Variants in CFTR observed in about 807,000 individuals in gnomAD.
The protein encoded by CFTR is CF transmembrane conductance regulator.
A neutral mutation model predicts 171.6 loss-of-function variants in CFTR; 181 were observed. The ratio of observed to expected loss-of-function variants is 1.05; its 90% CI spans 0.93 to 1.19. The LOEUF is 1.19. Ranked by LOEUF, CFTR falls within the 50% of genes most tolerant of loss-of-function variation. The probability of loss-of-function intolerance (pLI) is 0.00; values close to 1 mark genes in which losing one functional copy is unlikely to be tolerated. For missense variants in CFTR, 1,968 were observed against 1,734.7 expected (o/e 1.13, Z -2.39); for synonymous variants, 583 against 608.0 (o/e 0.96, Z 0.60).
chr7:117,560,542 T>A (rs923550560), intron 11 of CFTR, among the ~76,000 whole-genome samples: 3 of 151,982 alleles, frequency 2.0e-5, no homozygotes, highest in African/African-American at 7.2e-5. Flanking sequence ...TCCAAAAAAA[T>A]GGAAAAGGGC....
chr7:117,483,535 A>G (rs1336134473), intron 1 of CFTR, among the ~76,000 whole-genome samples: 1 of 152,114 alleles, frequency 6.6e-6, no homozygotes, highest in Non-Finnish European at 1.5e-5. Context: ...AAAAAAATGC[A>G]TTGCAAACTT....
At chr7:117,586,460 G>A (rs144910772) in intron 11 of CFTR, 17 of 152,172 alleles carry the variant, frequency 1.1e-4, no homozygotes, top group Middle Eastern at 3.4e-3. Flanking sequence ...GTTCCTTGAG[G>A]GCAGCAGCTA....
Position 117,591,963 on chromosome 7 carries a change from C to G in CFTR, c.1796C>G (p.Thr599Ser), listed in dbSNP as rs754945422. 1.3e-6 allele frequency: 2 copies of G among 1,592,392 alleles called. No individual in the cohort carries two copies. The highest frequency in any genetic ancestry group is 4.5e-5 in the East Asian group (2 of 44,770). The change falls in exon 14 of 27, where the codon ACT becomes AGT. Residue 599 changes from threonine to serine, a missense_variant. Physicochemically the swap from Thr to Ser is moderately conservative, Grantham distance 58. Coordinates refer to ENST00000003084, the MANE Select transcript of CFTR (RefSeq NM_000492.4). ...GTCTGTAAACTGATGGCTAACAAAACTAGGATTTTGGTCACTTCTAAAATG... is the reference window on the plus strand; with the variant it reads ...GTCTGTAAACTGATGGCTAACAAAAGTAGGATTTTGGTCACTTCTAAAATG... The part of the protein sequence containing the change: ...SCVCKLMANK[T>S]RILVTSKMEH...
intron 11 of CFTR, among the ~76,000 whole-genome samples, chr7:117,567,634 G>T (rs896978168): frequency 6.6e-6 from 1 of 152,232 alleles, no homozygotes; most frequent in Non-Finnish European, 1.5e-5. Context: ...GATGTTGCCT[G>T]CAAGTATAAC....
chr7:117,502,866 T>C (rs928201395), intron 1 of CFTR, among the ~76,000 whole-genome samples: 9 of 152,230 alleles, frequency 5.9e-5, no homozygotes, highest in African/African-American at 2.2e-4. Context: ...CCATACTCAC[T>C]TATTAATATC....
At chr7:117,638,282 C>T (rs1792857734) in intron 22 of CFTR, among the ~76,000 whole-genome samples, 1 of 152,130 alleles carries the variant, frequency 6.6e-6, no homozygotes, top group South Asian at 2.1e-4. Flanking sequence ...ACGATGAAGC[C>T]AACCACTTTC....
chr7:117,639,111 G>A (rs757670284), intron 22 of CFTR, among the ~76,000 whole-genome samples: 1 of 152,132 alleles, frequency 6.6e-6, no homozygotes, highest in Non-Finnish European at 1.5e-5. Context: ...TAAATATTCT[G>A]TGCAGAAAAA....
intron 21 of CFTR, among the ~76,000 whole-genome samples, chr7:117,616,679 A>G (rs1562916608): frequency 2.0e-5 from 3 of 152,066 alleles, no homozygotes; most frequent in Admixed American, 2.0e-4. Flanking sequence ...CTGTGCTTTG[A>G]TATCGTGCCT....
chr7:117,490,854 G>C (rs1798149670), intron 1 of CFTR, among the ~76,000 whole-genome samples: 1 of 152,022 alleles, frequency 6.6e-6, no homozygotes, highest in African/African-American at 2.4e-5. Flanking sequence ...TAGACCCAGT[G>C]CTTTCTCTGA....
rs1427409167 is a variant in CFTR at position 117,586,672 on chromosome 7, AAAG to A, written c.1585-1060_1585-1058del. On this transcript the variant is annotated intron_variant, in intron 11 of 26. Transcript: ENST00000003084. ...AATATTGGATTATTTCTGGATTGTGAAAGAAGAAGGAAGAAGCATATGGAAGAG... is the reference window on the plus strand; with the variant it reads ...AATATTGGATTATTTCTGGATTGTGAAAGAAGGAAGAAGCATATGGAAGAG... Among the ~76,000 whole-genome samples, 6 of 152,268 alleles carry A rather than the reference AAAG, an allele frequency of 3.9e-5. No individual in the cohort carries two copies. The East Asian group carries it at 9.6e-4, about 24-fold the overall frequency.
At chr7:117,488,811 T>C (rs1798113372) in intron 1 of CFTR, among the ~76,000 whole-genome samples, 1 of 152,094 alleles carries the variant, frequency 6.6e-6, no homozygotes. Flanking sequence ...TCCTACATGG[T>C]TGTGTTTTTC....
rs1800085 is a variant in CFTR at position 117,540,194 on chromosome 7, G to A, written c.964G>A (p.Val322Met). Reference protein sequence around the residue: ...FSGFFVVFLSVLPYALIKGII... With the variant: ...FSGFFVVFLSMLPYALIKGII... ...AGGGTTCTTTGTGGTGTTTTTATCTGTGCTTCCCTATGCACTAATCAAAGG... is the reference window on the plus strand; with the variant it reads ...AGGGTTCTTTGTGGTGTTTTTATCTATGCTTCCCTATGCACTAATCAAAGG... Residue 322 changes from valine (V) to methionine (M), a missense_variant, in exon 8 of 27, where the codon GTG becomes ATG. Transcript: ENST00000003084. 5.8e-5 allele frequency: 93 copies of A among 1,613,894 alleles called. No individual in the cohort carries two copies. The highest frequency in any genetic ancestry group is 7.5e-5 in the Non-Finnish European group (88 of 1,179,974).
At chr7:117,603,435 G>A (rs1051907406) in intron 16 of CFTR, 97 bp from the exon 17 acceptor site, 2 of 1,373,390 alleles carry the variant, frequency 1.5e-6, no homozygotes, top group African/African-American at 2.9e-5. Flanking sequence ...GCAAAATATT[G>A]TATTTATTTA....
chr7:117,504,152 G>A, intron 1 of CFTR, 101 bp from the exon 2 acceptor site: 1 of 741,448 alleles, frequency 1.3e-6, no homozygotes, highest in East Asian at 2.6e-5. Context: ...ATTTACATGT[G>A]CATAATTTTC....
intron 12 of CFTR, among the ~76,000 whole-genome samples, chr7:117,589,402 A>G (rs1175175351): frequency 1.3e-5 from 2 of 151,990 alleles, no homozygotes; most frequent in Non-Finnish European, 1.5e-5. Flanking sequence ...GCTGAATACA[A>G]TTTTCTTTAT....
intron 3 of CFTR, among the ~76,000 whole-genome samples, chr7:117,523,553 A>G (rs1431498151): frequency 6.6e-6 from 1 of 151,776 alleles, no homozygotes; most frequent in African/African-American, 2.4e-5. Flanking sequence ...AATTTTTTGT[A>G]TTTTTAGTAG....
intron 1 of CFTR, among the ~76,000 whole-genome samples, chr7:117,492,398 G>A (rs574536089): frequency 3.0e-4 from 45 of 151,754 alleles, no homozygotes; most frequent in African/African-American, 1.0e-3. Flanking sequence ...TAACAGCTAA[G>A]CAATACCTAT....
In CFTR at chr7:117,534,346, A is replaced by G; in HGVS notation, c.560A>G (p.Asn187Ser). 1.3e-6 allele frequency: 2 copies of G among 1,583,030 alleles called. No homozygotes were observed. Among genetic ancestry groups the G allele is most frequent in the African/African-American group, 1.3e-5 (1 of 74,370 alleles). The change falls in exon 5 of 27, where the codon AAC (asparagine) becomes AGC (serine). Residue 187 changes from asparagine (N) to serine (S), a missense_variant. By Grantham distance (46) the Asn-to-Ser change is conservative. Transcript: ENST00000003084. ...CAACTTGTTAGTCTCCTTTCCAACA[A>G]CCTGAACAAATTTGATGAAGTATGT... ...IGQLVSLLSNNLNKFDEGLAL... is the reference protein window; with the variant it reads ...IGQLVSLLSNSLNKFDEGLAL...
chr7:117,630,903 G>A (rs1347184142), intron 22 of CFTR, among the ~76,000 whole-genome samples: 2 of 152,210 alleles, frequency 1.3e-5, no homozygotes, highest in African/African-American at 2.4e-5. Context: ...GGCATGCACA[G>A]AAAACAGTGA....
Sources: allele counts gnomAD v4.1 joint callset (sites outside exome capture counted in the v4.1 genomes callset), GRCh38; gene constraint gnomAD v4.1.1; transcripts MANE v1.5; gene names NCBI Gene and HGNC (gene_info 2026-07-23, HGNC 2026-07-21).